MAP3K20: variants seen among roughly 807,000 people sequenced by gnomAD.
The protein encoded by MAP3K20 is HCCS-4.
Under a neutral mutation model 85.7 loss-of-function variants are expected in MAP3K20, and 40 were observed. That is an observed-to-expected ratio of 0.47 (90% CI 0.36 to 0.61). The LOEUF is 0.61. Ranked by LOEUF, MAP3K20 falls within the 20% of genes least tolerant of loss-of-function variation. The pLI, the probability that MAP3K20 is intolerant of heterozygous loss-of-function variation, is 0.00. For synonymous variants in MAP3K20, 325 were observed against 327.7 expected (o/e 0.99, Z 0.09); for missense variants, 817 against 961.7 (o/e 0.85, Z 1.99).
chr2:173,219,000 T>C (rs1684157024), intron 11 of MAP3K20, among the ~76,000 whole-genome samples: 2 of 152,206 alleles, frequency 1.3e-5, no homozygotes. Context: ...ATTTTCTTCT[T>C]TTTTCCTTAT....
rs2289397 is a variant in MAP3K20 at position 173,209,647 on chromosome 2, T to C, written c.745-82T>C. On this transcript the variant is annotated intron_variant, in intron 9 of 19. Coordinates refer to ENST00000375213, the MANE Select transcript of MAP3K20 (RefSeq NM_016653.3). ...TGTTATGGTGGGTTGAGTTTATTAC[T>C]ATGCTTGTAGTATCTACGTTTTCTC... 470,199 of 1,149,810 alleles carry C rather than the reference T, an allele frequency of 0.41. 102,448 individuals carry two copies. Among genetic ancestry groups the C allele is most frequent in the Non-Finnish European group, 0.45 (368,351 of 811,118 alleles). 71.2% of individuals were successfully genotyped at this position (1,149,810 alleles called of 1,614,324 possible). A position where few individuals can be genotyped will look rare whatever the true frequency, so the allele number is the denominator to read the frequency against.
intron 16 of MAP3K20, among the ~76,000 whole-genome samples, chr2:173,251,457 TCTC>T (rs1218953995): frequency 6.6e-6 from 1 of 152,154 alleles, no homozygotes; most frequent in Admixed American, 6.5e-5. Flanking sequence ...TGAGCCTCAG[TCTC>T]CTCATCTGTA....
Position 173,239,867 on chromosome 2 carries a change from A to C in MAP3K20, c.1359+371A>C, listed in dbSNP as rs1014101243. ...ATACCAAGAATAAAAACTAAGAATGAAACTGTAGGCCATGTGGAGACCCAA... is the reference window on the plus strand; with the variant it reads ...ATACCAAGAATAAAAACTAAGAATGCAACTGTAGGCCATGTGGAGACCCAA... On this transcript the variant is annotated intron_variant, in intron 16 of 19. Coordinates refer to ENST00000375213, the MANE Select transcript of MAP3K20 (RefSeq NM_016653.3). Among the ~76,000 whole-genome samples the C allele has an allele frequency of 3.3e-5, 5 of 152,234 alleles. No individual in the cohort carries two copies. In the East Asian group the frequency reaches 7.7e-4, roughly 23 times the overall value.
intron 1 of MAP3K20, among the ~76,000 whole-genome samples, chr2:173,084,550 A>G (rs1467789024): frequency 2.0e-5 from 3 of 152,246 alleles, no homozygotes; most frequent in African/African-American, 4.8e-5. Flanking sequence ...AACGGCAGTT[A>G]AACAGAGGAA....
chr2:173,224,216 A>G, intron 11 of MAP3K20: 1 of 979,406 alleles, frequency 1.0e-6, no homozygotes, highest in Non-Finnish European at 1.2e-6. Flanking sequence ...GGCCCCACTG[A>G]TAAGGTAACA....
intron 10 of MAP3K20, chr2:173,211,549 C>T (rs60769697): frequency 7.6e-4 from 116 of 152,330 alleles, no homozygotes; most frequent in African/African-American, 2.6e-3. Flanking sequence ...ACTTCCTGAC[C>T]CCAGGCCAGA....
At chr2:173,223,879 G>C in intron 11 of MAP3K20, 2 of 985,414 alleles carry the variant, frequency 2.0e-6, no homozygotes, top group Non-Finnish European at 2.4e-6. Context: ...GAGGGCTTGG[G>C]ACTCCTGTCT....
At chr2:173,205,394 A>ATAAC (rs1403764746) in intron 9 of MAP3K20, among the ~76,000 whole-genome samples, 1 of 152,184 alleles carries the variant, frequency 6.6e-6, no homozygotes, top group Non-Finnish European at 1.5e-5. Flanking sequence ...TTTAATGGGA[A>ATAAC]TAACTAACTC....
chr2:173,256,231 C>A (rs899702914), intron 16 of MAP3K20, among the ~76,000 whole-genome samples: 1 of 152,210 alleles, frequency 6.6e-6, no homozygotes, highest in Non-Finnish European at 1.5e-5. Flanking sequence ...TATGTCTGAG[C>A]TTGCTCTAGG....
At chr2:173,264,087 G>A (rs1685357336) in intron 19 of MAP3K20, among the ~76,000 whole-genome samples, 192 bp downstream of exon 19, 1 of 152,200 alleles carries the variant, frequency 6.6e-6, no homozygotes, top group African/African-American at 2.4e-5. Flanking sequence ...AGGACCAGGA[G>A]CATCGGGATC....
intron 1 of MAP3K20, among the ~76,000 whole-genome samples, chr2:173,077,284 A>G (rs1686890042): frequency 6.6e-6 from 1 of 152,142 alleles, no homozygotes; most frequent in Non-Finnish European, 1.5e-5. Context: ...AAACACGTTT[A>G]AAGACAAAAA....
intron 7 of MAP3K20, among the ~76,000 whole-genome samples, chr2:173,195,188 TAAAAAAA>T: frequency 8.1e-6 from 1 of 122,810 alleles, no homozygotes; most frequent in East Asian, 2.2e-4. Flanking sequence ...AGCCTCTCTT[TAAAAAAA>T]AAAAAAAAAA....
chr2:173,256,518 T>TAGACAGAC (rs1304644986), intron 16 of MAP3K20, among the ~76,000 whole-genome samples: 643 of 61,636 alleles, frequency 0.01, 3 homozygotes, highest in South Asian at 0.013. Context: ...GATAGATAGA[T>TAGACAGAC]AGATAGATAG....
At chr2:173,237,243 G>T (rs753169513) in intron 14 of MAP3K20, among the ~76,000 whole-genome samples, 17 of 152,036 alleles carry the variant, frequency 1.1e-4, no homozygotes, top group Non-Finnish European at 2.9e-5. Context: ...TGGTCAGGCT[G>T]GTCTCGAACT....
At chr2:173,264,228 C>T (rs1388278846) in intron 19 of MAP3K20, among the ~76,000 whole-genome samples, 1 of 152,198 alleles carries the variant, frequency 6.6e-6, no homozygotes, top group Non-Finnish European at 1.5e-5. Context: ...CTCTAAAGTC[C>T]TTAAGCCACT....
Position 173,080,191 on chromosome 2 carries a change from G to A in MAP3K20, c.-35+4189G>A, listed in dbSNP as rs570126207. Among the ~76,000 whole-genome samples the A allele has an allele frequency of 4.6e-5, 7 of 152,318 alleles. 1 individual carries two copies. In the South Asian group the frequency reaches 1.2e-3, roughly 27 times the overall value. ...GCTGTTATATATGCAGTCCATTGTTGACTAAAGCATAGTTATGTGGTGCAT... is the reference window on the plus strand; with the variant it reads ...GCTGTTATATATGCAGTCCATTGTTAACTAAAGCATAGTTATGTGGTGCAT... On this transcript the variant is annotated intron_variant, in intron 1 of 19. Coordinates refer to ENST00000375213, the MANE Select transcript of MAP3K20 (RefSeq NM_016653.3).
At chr2:173,172,805 CT>C (rs202047858) in intron 3 of MAP3K20, among the ~76,000 whole-genome samples, 116 of 144,974 alleles carry the variant, frequency 8.0e-4, no homozygotes, top group Non-Finnish European at 7.2e-4. Flanking sequence ...CTTTTCTTTT[CT>C]TTTTTTTTTT....
At chr2:173,134,140 C>A (rs927129583) in intron 2 of MAP3K20, among the ~76,000 whole-genome samples, 8 of 149,880 alleles carry the variant, frequency 5.3e-5, no homozygotes, top group African/African-American at 1.7e-4. Flanking sequence ...TTTTAAATAC[C>A]TCTGGTGGTA....
intron 2 of MAP3K20, among the ~76,000 whole-genome samples, chr2:173,107,882 G>A (rs984208243): frequency 6.6e-6 from 1 of 152,192 alleles, no homozygotes; most frequent in African/African-American, 2.4e-5. Context: ...GATTTCAGCA[G>A]CAGACAGTCG....
Sources: allele counts gnomAD v4.1 joint callset (sites outside exome capture counted in the v4.1 genomes callset), GRCh38; gene constraint gnomAD v4.1.1; transcripts MANE v1.5; gene names NCBI Gene and HGNC (gene_info 2026-07-23, HGNC 2026-07-21).